The following GPR137B variants were observed in gnomAD, a reference collection of about 807,000 sequenced individuals.
GPR137B encodes G protein-coupled receptor 137B.
In GPR137B, 42 loss-of-function variants were observed where a neutral mutation model predicts 42.5. That is an observed-to-expected ratio of 0.99 (90% CI 0.77 to 1.28). The LOEUF is 1.28. GPR137B is among the 50% of genes most tolerant of loss of function. GPR137B has a pLI of 0.00. For missense variants in GPR137B, 487 were observed against 493.9 expected (o/e 0.99, Z 0.13); for synonymous variants, 218 against 209.7 (o/e 1.04, Z -0.34).
At chr1:236,204,075 G>A (rs542929059) in intron 5 of GPR137B, among the ~76,000 whole-genome samples, 1 of 152,060 alleles carries the variant, frequency 6.6e-6, no homozygotes, top group South Asian at 2.1e-4. Flanking sequence ...GTATTATGTT[G>A]AGGTATGTTT....
intron 1 of GPR137B, among the ~76,000 whole-genome samples, chr1:236,153,251 C>G (rs1235746121): frequency 2.0e-5 from 3 of 152,170 alleles, no homozygotes; most frequent in Non-Finnish European, 4.4e-5. Flanking sequence ...CCAAAGGAAA[C>G]TTTATGCCCA....
intron 5 of GPR137B, among the ~76,000 whole-genome samples, chr1:236,200,962 G>C (rs576298107): frequency 2.7e-4 from 41 of 151,556 alleles, no homozygotes; most frequent in Non-Finnish European, 5.6e-4. Flanking sequence ...TTCTATTCTG[G>C]TGTATTTTGA....
rs2102894374 is a variant in GPR137B, at chr1:236,155,336, ATAGACAC to A, written c.414+12302_414+12308del. On this transcript the variant is annotated intron_variant, in intron 1 of 6. Coordinates refer to ENST00000366592, the MANE Select transcript of GPR137B (RefSeq NM_003272.4). The surrounding 1 kb of genome is among the most constrained non-coding windows in gnomAD (Gnocchi z 4.6). ...TTGTCCTAATGCTTTCACCTCGCAGATAGACACTGAGGCCTAGAAAGGTCGATGGAGC... is the reference window on the plus strand; with the variant it reads ...TTGTCCTAATGCTTTCACCTCGCAGATGAGGCCTAGAAAGGTCGATGGAGC... Among the ~76,000 whole-genome samples the A allele has an allele frequency of 6.6e-6, 1 of 152,342 alleles. No individual in the cohort carries two copies. Among genetic ancestry groups the A allele is most frequent in the Admixed American group, 6.5e-5 (1 of 15,312 alleles).
At chr1:236,206,720 A>G (rs1036963184) in intron 6 of GPR137B, among the ~76,000 whole-genome samples, 1 of 152,234 alleles carries the variant, frequency 6.6e-6, no homozygotes, top group Non-Finnish European at 1.5e-5. Context: ...CAGGAAGGGT[A>G]GTTGCTATTG....
Position 236,142,684 on chromosome 1 carries a change from G to A in GPR137B, c.62G>A (p.Trp21Ter), listed in dbSNP as rs1179086040. The A allele has an allele frequency of 2.5e-6, 4 of 1,570,860 alleles. No homozygotes were observed. The highest frequency in any genetic ancestry group is 2.6e-6 in the Non-Finnish European group (3 of 1,163,998). The change falls in exon 1 of 7, where the codon TGG (tryptophan) becomes TAG (stop). Residue 21 changes from tryptophan (W) to a stop codon, truncating the protein, a stop_gained. Coordinates refer to ENST00000366592, the MANE Select transcript of GPR137B (RefSeq NM_003272.4). LOFTEE classifies it high-confidence loss of function. ...CCCGGCCCGATGGAGACCCCGCCGT[G>A]GGACCCAGCCCGCAACGACTCGCTG... ...SAPGPMETPP[W>*]DPARNDSLPP...
chr1:236,205,078 C>T (rs1663615060), intron 5 of GPR137B, 48 bp from the exon 6 acceptor site: 2 of 1,529,694 alleles, frequency 1.3e-6, no homozygotes, highest in South Asian at 1.2e-5. Flanking sequence ...TTGTCTGGTG[C>T]AAGGCATGAT....
chr1:236,167,568 CG>C (rs1375458099), intron 1 of GPR137B, among the ~76,000 whole-genome samples: 5 of 152,138 alleles, frequency 3.3e-5, no homozygotes, highest in South Asian at 2.1e-4. Context: ...CCAGACTTGC[CG>C]GAATGGGCGT....
intron 4 of GPR137B, 34 bp downstream of exon 4, chr1:236,180,062 C>A: frequency 6.3e-7 from 1 of 1,586,528 alleles, no homozygotes; most frequent in East Asian, 2.2e-5. Context: ...GTCACCTGAC[C>A]AGGGACTCTT....
rs187878039 is a variant in GPR137B at position 236,155,980 on chromosome 1, C to T, written c.415-12726C>T. Among the ~76,000 whole-genome samples the T allele has an allele frequency of 1.3e-3, 196 of 152,290 alleles. 1 individual carries two copies. Among genetic ancestry groups the T allele is most frequent in the Non-Finnish European group, 2.4e-3 (166 of 68,010 alleles). On this transcript the variant is annotated intron_variant, in intron 1 of 6. Coordinates refer to ENST00000366592, the MANE Select transcript of GPR137B (RefSeq NM_003272.4). The surrounding 1 kb of genome is among the most constrained non-coding windows in gnomAD (Gnocchi z 4.6). ...ACAAACGCACACACATGCACACACA[C>T]GCGCGCGCGCAAACACACATGCATA...
At chr1:236,186,198 T>A (rs1171279064) in intron 5 of GPR137B, among the ~76,000 whole-genome samples, 2 of 77,352 alleles carry the variant, frequency 2.6e-5, no homozygotes, top group Non-Finnish European at 4.8e-5. Flanking sequence ...CATTTTTTTT[T>A]ATTATTATAC....
rs1175826382 is a variant in GPR137B at position 236,208,844 on chromosome 1, A to G, written c.*686A>G. The G allele has an allele frequency of 2.0e-6, 2 of 981,156 alleles. No homozygotes were observed. Among genetic ancestry groups the G allele is most frequent in the South Asian group, 4.7e-5 (1 of 21,158 alleles). The allele number at this position is 981,156 out of a possible 1,614,324, so 60.8% of individuals were successfully genotyped here. A position where few individuals can be genotyped will look rare whatever the true frequency, so the allele number is the denominator to read the frequency against. ...GGGCGCTAATGTATACACATTAATG[A>G]TAAGTTGATAACATTAAAAATGTAG... On this transcript the variant is annotated 3_prime_UTR_variant, in exon 7 of 7. Transcript: ENST00000366592.
chr1:236,201,366 AAT>A (rs1406336342), intron 5 of GPR137B, among the ~76,000 whole-genome samples: 1 of 151,706 alleles, frequency 6.6e-6, no homozygotes, highest in Non-Finnish European at 1.5e-5. Context: ...TATTCCCTCA[AAT>A]ATGTTTTCCA....
At chr1:236,149,208 G>A (rs1661767020) in intron 1 of GPR137B, among the ~76,000 whole-genome samples, 1 of 151,870 alleles carries the variant, frequency 6.6e-6, no homozygotes, top group East Asian at 1.9e-4. Context: ...TTTGTAAAAC[G>A]GTGGTGACTC....
intron 5 of GPR137B, among the ~76,000 whole-genome samples, chr1:236,184,394 A>G (rs1017619002): frequency 6.6e-6 from 1 of 152,352 alleles, no homozygotes; most frequent in South Asian, 2.1e-4. Flanking sequence ...TAGTTTGGTC[A>G]CATTGCTGTT....
chr1:236,157,059 T>G (rs763889557), intron 1 of GPR137B, among the ~76,000 whole-genome samples: 1 of 152,126 alleles, frequency 6.6e-6, no homozygotes, highest in Non-Finnish European at 1.5e-5. Context: ...TACATGTCTA[T>G]TAATTCACCA....
chr1:236,142,726 C>G lies in GPR137B; in HGVS notation c.104C>G (p.Pro35Arg). ...GACTCGCTGCCGCCCACGCTGACCC[C>G]GGCCGTGCCCCCCTACGTGAAGCTT... Reference protein sequence around the residue: ...RNDSLPPTLTPAVPPYVKLGL... With the variant: ...RNDSLPPTLTRAVPPYVKLGL... Residue 35 changes from proline to arginine, a missense_variant, in exon 1 of 7, where the codon CCG becomes CGG. Physicochemically the swap from Pro to Arg is moderately radical, Grantham distance 103. Transcript: ENST00000366592. The G allele has an allele frequency of 6.2e-7, 1 of 1,608,964 alleles. No individual in the cohort carries two copies. The highest frequency in any genetic ancestry group is 1.1e-5 in the South Asian group (1 of 90,920).
chr1:236,168,890 C>A, intron 2 of GPR137B, 135 bp downstream of exon 2: 1 of 715,886 alleles, frequency 1.4e-6, no homozygotes, highest in South Asian at 1.6e-5. Context: ...TGGCTGGCTG[C>A]CCACATTGTG....
chr1:236,203,461 C>G (rs1434390677), intron 5 of GPR137B, among the ~76,000 whole-genome samples: 4 of 152,148 alleles, frequency 2.6e-5, no homozygotes, highest in African/African-American at 4.8e-5. Flanking sequence ...CATGTTGATT[C>G]TCCCAGTTTT....
Position 236,208,370 on chromosome 1 carries a change from A to G in GPR137B, c.*212A>G, listed in dbSNP as rs1663728102. ...AGGGAGCCTTGCTATTTCAGTGGGTATAATTTAAACTTTTTAAAGAAAATC... is the reference window on the plus strand; with the variant it reads ...AGGGAGCCTTGCTATTTCAGTGGGTGTAATTTAAACTTTTTAAAGAAAATC... On this transcript the variant is annotated 3_prime_UTR_variant, in exon 7 of 7. Transcript: ENST00000366592. 8.3e-7 allele frequency: 1 copy of G among 1,200,372 alleles called. No individual in the cohort carries two copies. Among genetic ancestry groups the G allele is most frequent in the Non-Finnish European group, 1.1e-6 (1 of 940,276 alleles). The allele number at this position is 1,200,372 out of a possible 1,614,324, so 74.4% of individuals were successfully genotyped here.
Sources: allele counts gnomAD v4.1 joint callset (sites outside exome capture counted in the v4.1 genomes callset), GRCh38; gene constraint gnomAD v4.1.1; non-coding constraint Gnocchi (gnomAD v3.1); transcripts MANE v1.5; gene names NCBI Gene and HGNC (gene_info 2026-07-23, HGNC 2026-07-21).